The following VPS13B variants were observed in gnomAD, a reference collection of about 807,000 sequenced individuals.
VPS13B encodes the protein intermembrane lipid transfer protein VPS13B.
A neutral mutation model predicts 426.4 loss-of-function variants in VPS13B; 285 were observed. The ratio of observed to expected loss-of-function variants is 0.67; its 90% CI spans 0.61 to 0.74. VPS13B has a LOEUF of 0.74. Ranked by LOEUF, VPS13B falls within the 30% of genes least tolerant of loss-of-function variation. The probability of loss-of-function intolerance (pLI) is 0.00; values close to 1 mark genes in which losing one functional copy is unlikely to be tolerated. For missense variants in VPS13B, 4,537 were observed against 4,782.6 expected, an observed-to-expected ratio of 0.95 and a Z score of 1.51; for synonymous variants, 1,676 against 1,676.4, an observed-to-expected ratio of 1.00 and a Z score of 0.01.
intron 35 of VPS13B, among the ~76,000 whole-genome samples, chr8:99,680,375 T>C (rs1831110014): frequency 6.6e-6 from 1 of 152,184 alleles, no homozygotes; most frequent in African/African-American, 2.4e-5. Context: ...TTGAATTCCC[T>C]CTCTGATTTC....
intron 19 of VPS13B, among the ~76,000 whole-genome samples, chr8:99,358,353 G>C (rs528413076): frequency 1.3e-5 from 2 of 152,214 alleles, no homozygotes; most frequent in Admixed American, 1.3e-4. Context: ...ATTATAATTT[G>C]TACCAGTGTC....
At chr8:99,858,514 C>T (rs1588793122) in intron 56 of VPS13B, among the ~76,000 whole-genome samples, 2 of 152,130 alleles carry the variant, frequency 1.3e-5, no homozygotes, top group African/African-American at 4.8e-5. Flanking sequence ...GGTGAATCCC[C>T]ATCTCTACTA....
At chr8:99,644,172 A>G (rs991825739) in intron 34 of VPS13B, among the ~76,000 whole-genome samples, 4 of 152,156 alleles carry the variant, frequency 2.6e-5, no homozygotes, top group Admixed American at 1.3e-4. Flanking sequence ...CAGAAGCCTC[A>G]TTTTGCTTAC....
At chr8:99,667,816 A>G (rs1003446275) in intron 35 of VPS13B, among the ~76,000 whole-genome samples, 1 of 152,184 alleles carries the variant, frequency 6.6e-6, no homozygotes, top group African/African-American at 2.4e-5. Context: ...AGCTTTTACC[A>G]TACGAATGTA....
chr8:99,020,080 T>C (rs952268453), intron 2 of VPS13B, among the ~76,000 whole-genome samples: 7 of 152,212 alleles, frequency 4.6e-5, no homozygotes, highest in African/African-American at 1.7e-4. Flanking sequence ...TTGCATTGTT[T>C]TACATTCCTA....
At position 99,136,753 on chromosome 8, in the gene VPS13B, G is replaced by T. The variant is rs758266941; in HGVS notation, c.1651+1G>T. 5 of 1,613,210 alleles carry T rather than the reference G, an allele frequency of 3.1e-6. No individual in the cohort carries two copies. Among genetic ancestry groups the T allele is most frequent in the Non-Finnish European group, 4.2e-6 (5 of 1,179,520 alleles). ...ACAATGGAGAACACTAGTGGCAAAG[G>T]TATTGGCTTCTTTCCTTTATGTGTG... On this transcript the variant is annotated splice_donor_variant, in intron 12 of 61. Transcript: ENST00000357162. LOFTEE classifies it high-confidence loss of function.
At chr8:99,052,002 C>T (rs1353518826) in intron 3 of VPS13B, among the ~76,000 whole-genome samples, 4 of 152,176 alleles carry the variant, frequency 2.6e-5, no homozygotes, top group Admixed American at 6.6e-5. Context: ...TTCCTCTTTT[C>T]CTAATTGAAT....
At position 99,460,364 on chromosome 8, in the gene VPS13B, T is replaced by C. The variant is rs370223852; in HGVS notation, c.3446-7050T>C. On this transcript the variant is annotated intron_variant, in intron 23 of 61. Coordinates refer to ENST00000357162, the MANE Select transcript of VPS13B (RefSeq NM_152564.5). ...AAATTATGGAAAATTTGTTCTAATT[T>C]ATATCTAATCTTTATCCCCCTTATT... Among the ~76,000 whole-genome samples the C allele has an allele frequency of 4.6e-5, 7 of 152,178 alleles. No individual in the cohort carries two copies. The East Asian group carries it at 9.6e-4, about 21-fold the overall frequency.
chr8:99,769,610 G>A (rs893268129), intron 40 of VPS13B, among the ~76,000 whole-genome samples: 2 of 152,134 alleles, frequency 1.3e-5, no homozygotes, highest in Non-Finnish European at 2.9e-5. Context: ...GCCTATAATT[G>A]AGATGAAGTT....
At chr8:99,761,123 G>T (rs755470136) in intron 39 of VPS13B, among the ~76,000 whole-genome samples, 9 of 152,132 alleles carry the variant, frequency 5.9e-5, no homozygotes, top group Non-Finnish European at 1.3e-4. Flanking sequence ...TTTAATAGGG[G>T]TTTCATTTGG....
intron 3 of VPS13B, among the ~76,000 whole-genome samples, chr8:99,092,347 C>CCAATAT (rs1846196685): frequency 2.6e-5 from 4 of 152,076 alleles, no homozygotes; most frequent in Admixed American, 2.6e-4. Context: ...AAAATTGCAA[C>CCAATAT]CTAAATAAGA....
chr8:99,421,611 C>T (rs1816381036), intron 21 of VPS13B, among the ~76,000 whole-genome samples: 1 of 152,024 alleles, frequency 6.6e-6, no homozygotes, highest in African/African-American at 2.4e-5. Flanking sequence ...ATCAGTTTCC[C>T]TATCTAAAAA....
intron 36 of VPS13B, among the ~76,000 whole-genome samples, chr8:99,714,422 A>G (rs1832830236): frequency 6.6e-6 from 1 of 152,196 alleles, no homozygotes; most frequent in Non-Finnish European, 1.5e-5. Context: ...ATTATCACAC[A>G]CCACAATAAA....
chr8:99,443,516 T>C (rs1021672164), intron 23 of VPS13B, among the ~76,000 whole-genome samples: 1 of 152,192 alleles, frequency 6.6e-6, no homozygotes, highest in African/African-American at 2.4e-5. Context: ...TTTTGGTCCT[T>C]AATAACATGA....
At chr8:99,521,067 T>G (rs540494434) in intron 30 of VPS13B, 57 bp downstream of exon 30, 2 of 1,339,436 alleles carry the variant, frequency 1.5e-6, no homozygotes, top group South Asian at 1.2e-5. Flanking sequence ...CAAACACATA[T>G]AGTGGTCAAT....
intron 54 of VPS13B, among the ~76,000 whole-genome samples, chr8:99,840,650 A>C (rs1205392963): frequency 6.6e-6 from 1 of 152,266 alleles, no homozygotes; most frequent in Non-Finnish European, 1.5e-5. Context: ...AATCACTTTT[A>C]AACTATACAG....
intron 19 of VPS13B, among the ~76,000 whole-genome samples, chr8:99,357,751 TAAG>T (rs775728505): frequency 6.6e-6 from 1 of 152,216 alleles, no homozygotes; most frequent in Non-Finnish European, 1.5e-5. Context: ...TCATCTGTAA[TAAG>T]AAGATCTTTT....
chr8:99,398,576 G>A (rs1335412790), intron 21 of VPS13B, among the ~76,000 whole-genome samples: 1 of 152,146 alleles, frequency 6.6e-6, no homozygotes, highest in Non-Finnish European at 1.5e-5. Flanking sequence ...TATGTGTATA[G>A]CAATAGAGAT....
In VPS13B at chr8:99,055,050, T is replaced by TTG. The variant is rs548611504; in HGVS notation, c.291+16485_291+16486insGT. ...GTATTTCTGTTTTTTTTTTGTTTTT[T>TTG]TTTTTGTTACAGGGTCTCACTCTGT... On this transcript the variant is annotated intron_variant, in intron 3 of 61. Transcript: ENST00000357162. 6.4e-4 allele frequency among the ~76,000 whole-genome samples: 97 copies of TTG among 151,384 alleles called. 1 individual carries two copies. The South Asian group carries it at 0.019, about 30-fold the overall frequency.
Sources: allele counts gnomAD v4.1 joint callset (sites outside exome capture counted in the v4.1 genomes callset), GRCh38; gene constraint gnomAD v4.1.1; transcripts MANE v1.5; gene names NCBI Gene and HGNC (gene_info 2026-07-23, HGNC 2026-07-21).